DGCR2: variants seen among roughly 807,000 people sequenced by gnomAD.
DGCR2 encodes DiGeorge syndrome critical region gene 2.
In DGCR2, 24 loss-of-function variants were observed where a neutral mutation model predicts 51.6. The observed-to-expected ratio is 0.47, with a 90% CI of 0.34 to 0.65. The LOEUF is 0.65. Ranked by LOEUF, DGCR2 falls within the 30% of genes least tolerant of loss-of-function variation. The probability of loss-of-function intolerance (pLI) is 0.01; values close to 1 mark genes in which losing one functional copy is unlikely to be tolerated. For synonymous variants in DGCR2, 340 were observed against 315.4 expected, an observed-to-expected ratio of 1.08 and a Z score of -0.82; for missense variants, 765 against 772.1, an observed-to-expected ratio of 0.99 and a Z score of 0.11.
intron 7 of DGCR2, among the ~76,000 whole-genome samples, chr22:19,044,111 A>C (rs188387953): frequency 2.0e-5 from 3 of 152,308 alleles, no homozygotes; most frequent in Admixed American, 2.0e-4. Context: ...TCCGTTCTAA[A>C]ATAAACCCAA....
chr22:19,101,460 G>C (rs1044949784), intron 1 of DGCR2, among the ~76,000 whole-genome samples: 23 of 152,180 alleles, frequency 1.5e-4, no homozygotes, highest in Non-Finnish European at 2.8e-4. Flanking sequence ...TAAATGTGGG[G>C]CCTGGCATGG....
chr22:19,109,218 T>C (rs1324823348), intron 1 of DGCR2, among the ~76,000 whole-genome samples: 1 of 152,202 alleles, frequency 6.6e-6, no homozygotes, highest in Non-Finnish European at 1.5e-5. Context: ...ACAGTCACTA[T>C]GGAAGACAGC....
At chr22:19,066,346 C>A (rs2082748360) in intron 3 of DGCR2, among the ~76,000 whole-genome samples, 1 of 152,002 alleles carries the variant, frequency 6.6e-6, no homozygotes, top group South Asian at 2.1e-4. Context: ...AGACTGCCTG[C>A]AGTGAGCCAA....
chr22:19,100,510 A>G (rs1304392471), intron 1 of DGCR2, among the ~76,000 whole-genome samples: 2 of 151,910 alleles, frequency 1.3e-5, no homozygotes, highest in Non-Finnish European at 2.9e-5. Context: ...CTAAAAACAC[A>G]AAAAAATTAG....
At chr22:19,087,409 A>G (rs115205688) in intron 2 of DGCR2, among the ~76,000 whole-genome samples, 2,550 of 152,008 alleles carry the variant, frequency 0.017, 76 homozygotes, top group African/African-American at 0.059. Flanking sequence ...TTTTTTTTTG[A>G]AACAGAATCT....
At chr22:19,063,433 G>T (rs886899817) in intron 4 of DGCR2, among the ~76,000 whole-genome samples, 155 bp from the exon 5 acceptor site, 1 of 152,022 alleles carries the variant, frequency 6.6e-6, no homozygotes, top group Non-Finnish European at 1.5e-5. Flanking sequence ...TTGACTTCCT[G>T]GTTCAAGCAA....
chr22:19,083,220 G>T (rs1031462152), intron 2 of DGCR2, among the ~76,000 whole-genome samples: 1 of 152,196 alleles, frequency 6.6e-6, no homozygotes, highest in African/African-American at 2.4e-5. Context: ...TTCTCCGACT[G>T]TCACAGCACT....
chr22:19,044,194 T>C (rs1423939019), intron 7 of DGCR2, among the ~76,000 whole-genome samples: 3 of 152,120 alleles, frequency 2.0e-5, no homozygotes, highest in Admixed American at 6.5e-5. Context: ...ACCAAGCCAC[T>C]TGTAGTCAAG....
chr22:19,045,537 C>T (rs898096939), intron 7 of DGCR2, among the ~76,000 whole-genome samples: 17 of 152,188 alleles, frequency 1.1e-4, no homozygotes, highest in Non-Finnish European at 1.6e-4. Context: ...CAACTTTGTT[C>T]TTTGTAAAAA....
intron 1 of DGCR2, among the ~76,000 whole-genome samples, chr22:19,093,719 A>T (rs984237919): frequency 6.6e-6 from 1 of 152,224 alleles, no homozygotes; most frequent in Admixed American, 6.5e-5. Context: ...GGCATGGGCC[A>T]AGTGCAATGG....
At chr22:19,065,748 C>T (rs1325277346) in intron 3 of DGCR2, 1 of 152,840 alleles carries the variant, frequency 6.5e-6, no homozygotes, top group Non-Finnish European at 1.5e-5. Context: ...TGGTAATTTA[C>T]AGCTCACCTT....
At chr22:19,062,779 A>ATTCTCTCTCTCTCTCTCTCT in intron 5 of DGCR2, among the ~76,000 whole-genome samples, 1 of 127,354 alleles carries the variant, frequency 7.9e-6, no homozygotes, top group Non-Finnish European at 1.8e-5. Flanking sequence ...ATGCATGCTC[A>ATTCTCTCTCTCTCTCTCTCT]CTCTCTCTCT....
At chr22:19,046,634 C>A in intron 7 of DGCR2, 1 of 255,882 alleles carries the variant, frequency 3.9e-6, no homozygotes, top group South Asian at 3.2e-5. Context: ...TTCCCAGAGT[C>A]TCCAGTTTTG....
intron 3 of DGCR2, 75 bp downstream of exon 3, chr22:19,068,025 G>T: frequency 6.8e-7 from 1 of 1,473,086 alleles, no homozygotes; most frequent in Admixed American, 2.4e-5. Flanking sequence ...ACGCAGCACA[G>T]TAGTGCTGGA....
At chr22:19,108,094 G>A (rs1036542971) in intron 1 of DGCR2, among the ~76,000 whole-genome samples, 1 of 152,170 alleles carries the variant, frequency 6.6e-6, no homozygotes, top group African/African-American at 2.4e-5. Context: ...AGAGCAGGAG[G>A]AGAACCATAA....
At chr22:19,094,398 C>A (rs779649279) in intron 1 of DGCR2, among the ~76,000 whole-genome samples, 2 of 152,222 alleles carry the variant, frequency 1.3e-5, no homozygotes, top group African/African-American at 2.4e-5. Flanking sequence ...GCACTCCAGT[C>A]TGGGCGACAG....
At position 19,104,670 on chromosome 22, in the gene DGCR2, G is replaced by T. The variant is rs184505877; in HGVS notation, c.80-15180C>A. 3.9e-5 allele frequency among the ~76,000 whole-genome samples: 6 copies of T among 152,286 alleles called. No homozygotes were observed. In the East Asian group the frequency reaches 1.2e-3, roughly 29 times the overall value. On this transcript the variant is annotated intron_variant, in intron 1 of 9. Transcript: ENST00000263196. ...CCATCAGACACAGACTCCCACACCC[G>T]GGGTAGGGGACACCCATGCCCTGCT...
chr22:19,072,899 T>C (rs7286581), intron 2 of DGCR2, among the ~76,000 whole-genome samples: 1 of 151,352 alleles, frequency 6.6e-6, no homozygotes, highest in Non-Finnish European at 1.5e-5. Context: ...AATTTTTTTT[T>C]AAAAAAAAGG....
intron 1 of DGCR2, among the ~76,000 whole-genome samples, chr22:19,103,830 G>A (rs1207653743): frequency 2.0e-5 from 3 of 150,072 alleles, no homozygotes; most frequent in African/African-American, 7.4e-5. Context: ...AGGGTCACTT[G>A]AGTCCAAGAA....
Sources: gnomAD v4.1 joint callset for allele counts (sites outside exome capture counted in the v4.1 genomes callset) on GRCh38, gnomAD v4.1.1 for gene constraint, MANE v1.5 for transcripts, NCBI Gene and HGNC (gene_info 2026-07-23, HGNC 2026-07-21) for gene names.